PRKG1: variants seen among roughly 807,000 people sequenced by gnomAD.
The protein encoded by PRKG1 is protein kinase cGMP-dependent 1, also known as cGMP-dependent protein kinase 1.
A neutral mutation model predicts 88.1 loss-of-function variants in PRKG1; 35 were observed. The ratio of observed to expected loss-of-function variants is 0.40; its 90% CI spans 0.30 to 0.53. PRKG1 has a LOEUF of 0.53. Ranked by LOEUF, PRKG1 falls within the 20% of genes least tolerant of loss-of-function variation. PRKG1 has a pLI of 0.59. For missense variants in PRKG1, 540 were observed against 839.8 expected, an observed-to-expected ratio of 0.64 and a Z score of 4.41; for synonymous variants, 303 against 292.5, an observed-to-expected ratio of 1.04 and a Z score of -0.37.
intron 9 of PRKG1, among the ~76,000 whole-genome samples, chr10:52,178,845 TA>T (rs1838936539): frequency 6.6e-6 from 1 of 152,140 alleles, no homozygotes; most frequent in Admixed American, 6.6e-5. Context: ...TTGTGTGAAG[TA>T]TCTTTTCCCA....
In PRKG1 at chr10:51,813,670, C is replaced by A. The variant is rs184567832; in HGVS notation, c.698+8980C>A. Among the ~76,000 whole-genome samples the A allele has an allele frequency of 5.3e-5, 8 of 152,214 alleles. No homozygotes were observed. The East Asian group carries it at 1.4e-3, about 26-fold the overall frequency. On this transcript the variant is annotated intron_variant, in intron 4 of 17. Transcript: ENST00000373980. ...ACTCTTAAACTCCACCCTATACTGC[C>A]TCAATAAATTCTGGATACCCAAATA...
chr10:51,005,709 G>A (rs1411004274), intron 1 of PRKG1, among the ~76,000 whole-genome samples: 2 of 152,142 alleles, frequency 1.3e-5, no homozygotes, highest in East Asian at 3.8e-4. Flanking sequence ...TGTCCATAAG[G>A]CAGGAACCCT....
At chr10:51,289,291 A>G (rs1177637784) in intron 2 of PRKG1, among the ~76,000 whole-genome samples, 3 of 152,100 alleles carry the variant, frequency 2.0e-5, no homozygotes, top group Non-Finnish European at 4.4e-5. Context: ...ACTGTCTGTT[A>G]CCATGAATAC....
At chr10:51,135,494 A>G (rs1845665431) in intron 1 of PRKG1, among the ~76,000 whole-genome samples, 1 of 152,212 alleles carries the variant, frequency 6.6e-6, no homozygotes, top group Non-Finnish European at 1.5e-5. Context: ...CAAAAAACCC[A>G]GAATATAATC....
chr10:51,351,463 A>G (rs1383107622), intron 2 of PRKG1, among the ~76,000 whole-genome samples: 1 of 152,070 alleles, frequency 6.6e-6, no homozygotes, highest in Non-Finnish European at 1.5e-5. Context: ...CTGGTATGAC[A>G]TGGTATCTCA....
chr10:52,198,518 G>A (rs375916550), intron 9 of PRKG1, among the ~76,000 whole-genome samples: 323 of 152,264 alleles, frequency 2.1e-3, no homozygotes, highest in Non-Finnish European at 3.3e-3. Context: ...TAATTAGAAT[G>A]ATAATAAAAG....
intron 5 of PRKG1, among the ~76,000 whole-genome samples, chr10:52,000,058 A>G (rs902298969): frequency 6.6e-6 from 1 of 151,894 alleles, no homozygotes; most frequent in African/African-American, 2.4e-5. Context: ...TTGTTCCTTT[A>G]TTGTTGTTCC....
At chr10:51,468,018 T>G in intron 3 of PRKG1, 182 bp downstream of exon 3, 1 of 545,244 alleles carries the variant, frequency 1.8e-6, no homozygotes, top group South Asian at 2.2e-5. Context: ...ACAATCAGTT[T>G]TGTATAATTA....
chr10:52,230,264 G>A (rs538580821), intron 9 of PRKG1, among the ~76,000 whole-genome samples: 29 of 152,202 alleles, frequency 1.9e-4, no homozygotes, highest in African/African-American at 5.5e-4. Flanking sequence ...CCAGCCAAGG[G>A]GTGAGGGAAG....
intron 5 of PRKG1, among the ~76,000 whole-genome samples, chr10:51,944,136 G>T (rs898503362): frequency 6.6e-6 from 1 of 152,018 alleles, no homozygotes; most frequent in Non-Finnish European, 1.5e-5. Context: ...TTCAGCTCCT[G>T]TTATTGGTCT....
At chr10:52,037,809 C>T (rs1052496092) in intron 5 of PRKG1, among the ~76,000 whole-genome samples, 114 of 151,886 alleles carry the variant, frequency 7.5e-4, no homozygotes, top group Non-Finnish European at 1.0e-3. Context: ...CTCGGCCTGG[C>T]GAGGAGCAGC....
At chr10:52,017,394 G>T (rs1845067111) in intron 5 of PRKG1, among the ~76,000 whole-genome samples, 1 of 152,148 alleles carries the variant, frequency 6.6e-6, no homozygotes, top group Non-Finnish European at 1.5e-5. Context: ...GGAGTGGTTG[G>T]ATTAGAGACA....
chr10:51,094,991 C>T (rs1200313294), intron 1 of PRKG1, among the ~76,000 whole-genome samples: 2 of 152,096 alleles, frequency 1.3e-5, no homozygotes, highest in East Asian at 3.9e-4. Context: ...AATTTGAACT[C>T]GGGTCTGGCT....
intron 8 of PRKG1, among the ~76,000 whole-genome samples, chr10:52,151,082 T>G (rs1170277309): frequency 6.6e-6 from 1 of 152,212 alleles, no homozygotes; most frequent in African/African-American, 2.4e-5. Context: ...CCTGAAATTT[T>G]TAAAAACATT....
intron 7 of PRKG1, among the ~76,000 whole-genome samples, chr10:52,065,496 G>T (rs1846334519): frequency 6.7e-6 from 1 of 149,274 alleles, no homozygotes; most frequent in South Asian, 2.1e-4. Flanking sequence ...GCCACAATCA[G>T]ATGACAGGTT....
chr10:51,089,997 C>A (rs1328668465), intron 1 of PRKG1, among the ~76,000 whole-genome samples: 2 of 152,134 alleles, frequency 1.3e-5, no homozygotes, highest in Non-Finnish European at 2.9e-5. Context: ...TAGGTAAGCT[C>A]AGAACATGGC....
chr10:51,561,873 T>G (rs1837470834), intron 3 of PRKG1, among the ~76,000 whole-genome samples: 1 of 152,070 alleles, frequency 6.6e-6, no homozygotes, highest in Non-Finnish European at 1.5e-5. Flanking sequence ...AATTAGGTTT[T>G]TTTTCAAATA....
At chr10:51,353,324 G>T (rs1842293992) in intron 2 of PRKG1, among the ~76,000 whole-genome samples, 1 of 152,030 alleles carries the variant, frequency 6.6e-6, no homozygotes, top group South Asian at 2.1e-4. Context: ...AAAAGCTTCT[G>T]CACAGCAAAA....
Position 52,025,475 on chromosome 10 carries a change from C to A in PRKG1, c.763-29009C>A, listed in dbSNP as rs529571348. On this transcript the variant is annotated intron_variant, in intron 5 of 17. Transcript: ENST00000373980. ...ATGGCTTTAGGTCTAACATTTAAGT[C>A]TTTAATCCATCTTGAATTAATTTTT... 8.5e-5 allele frequency among the ~76,000 whole-genome samples: 13 copies of A among 152,216 alleles called. No individual in the cohort carries two copies. In the East Asian group the frequency reaches 2.1e-3, roughly 25 times the overall value.
Sources: allele counts gnomAD v4.1 joint callset (sites outside exome capture counted in the v4.1 genomes callset), GRCh38; gene constraint gnomAD v4.1.1; transcripts MANE v1.5; gene names NCBI Gene and HGNC (gene_info 2026-07-23, HGNC 2026-07-21).